SAFB2: variants seen among roughly 807,000 people sequenced by gnomAD.
The protein encoded by SAFB2 is scaffold attachment factor B2.
Under a neutral mutation model 100.6 loss-of-function variants are expected in SAFB2, and 32 were observed. The observed-to-expected ratio is 0.32, with a 90% CI of 0.24 to 0.43. The LOEUF (loss-of-function observed/expected upper bound fraction) is 0.43. SAFB2 is among the 20% of genes least tolerant of loss of function. The pLI is 1.00. For synonymous variants in SAFB2, 500 were observed against 439.4 expected (o/e 1.14, Z -1.72); for missense variants, 1,185 against 1,163.4 (o/e 1.02, Z -0.27).
intron 9 of SAFB2, 53 bp downstream of exon 9, chr19:5,609,942 T>A: frequency 6.6e-7 from 1 of 1,505,398 alleles, no homozygotes; most frequent in Admixed American, 1.8e-5. Flanking sequence ...CCAGCAGAGC[T>A]TCCTTTTTAA....
chr19:5,599,018 C>T, intron 12 of SAFB2, 134 bp from the exon 13 acceptor site: 2 of 727,426 alleles, frequency 2.7e-6, no homozygotes, highest in Non-Finnish European at 4.7e-6. Flanking sequence ...GCCTTGGGAG[C>T]CTCTAATTCT....
Position 5,594,018 on chromosome 19 carries a change from C to A in SAFB2, c.2080G>T (p.Val694Leu). 1 of 1,565,570 alleles carries A rather than the reference C, an allele frequency of 6.4e-7. No homozygotes were observed. Reference protein sequence around the residue: ...RERLERERMRVERERRKEQER... With the variant: ...RERLERERMRLERERRKEQER... ...TGCTCCTTCCTGCGCTCACGCTCCA[C>A]GCGCATGCGCTCGCGCTCCAGCCGC... Residue 694 changes from valine to leucine, a missense_variant, in exon 15 of 21, where the codon GTG becomes TTG. Physicochemically the swap from Val to Leu is conservative, Grantham distance 32 (BLOSUM62 1). Around this residue, in one of 3 missense-constraint regions of SAFB2, gnomAD observed 740 missense variants for 687.1 expected, o/e 1.08. Transcript: ENST00000252542.
intron 7 of SAFB2, 199 bp from the exon 8 acceptor site, chr19:5,610,887 A>T: frequency 1.3e-6 from 1 of 779,678 alleles, no homozygotes; most frequent in Non-Finnish European, 2.0e-6. Context: ...AATTCGATTT[A>T]GCTGAAGATA....
At position 5,622,693 on chromosome 19, in the gene SAFB2, G is replaced by A. The variant is rs1382231341; in HGVS notation, c.23C>T (p.Ser8Leu). 1.9e-6 allele frequency: 3 copies of A among 1,604,908 alleles called. No individual in the cohort carries two copies. Among genetic ancestry groups the A allele is most frequent in the East Asian group, 2.2e-5 (1 of 44,664 alleles). Reference protein sequence around the residue: MAETLPGSGDSGPGTASL... With the variant: MAETLPGLGDSGPGTASL... The stretch of plus-strand genomic sequence containing the variant: ...AGCCGTGCCAGGGCCCGAGTCGCCC[G>A]ACCCGGGCAGAGTCTCCGCCATCGT... The change falls in exon 1 of 21, where the codon TCG becomes TTG. Residue 8 changes from serine (S) to leucine (L), a missense_variant. Transcript: ENST00000252542.
intron 9 of SAFB2, among the ~76,000 whole-genome samples, chr19:5,606,868 G>C (rs1162421745): frequency 1.3e-5 from 2 of 152,346 alleles, no homozygotes; most frequent in Admixed American, 1.3e-4. Flanking sequence ...GAGGGAGGAA[G>C]ATGATCTCCG....
At chr19:5,600,817 T>C (rs1019369992) in intron 11 of SAFB2, among the ~76,000 whole-genome samples, 1 of 152,210 alleles carries the variant, frequency 6.6e-6, no homozygotes, top group African/African-American at 2.4e-5. Flanking sequence ...TGCCAGTGAA[T>C]ACGGGAAGGT....
chr19:5,620,937 GGT>G (rs2053127183), intron 2 of SAFB2, among the ~76,000 whole-genome samples: 2 of 152,166 alleles, frequency 1.3e-5, no homozygotes, highest in Admixed American at 1.3e-4. Flanking sequence ...GTCTCAGGTT[GGT>G]GTCCTTTTCT....
chr19:5,621,257 A>G (rs772662192), intron 2 of SAFB2, 52 bp downstream of exon 2: 2 of 1,210,934 alleles, frequency 1.7e-6, no homozygotes, highest in Non-Finnish European at 2.5e-6. Flanking sequence ...ACTACACACC[A>G]TTTCTCTAAA....
rs746423212 is a variant in SAFB2 at position 5,613,387 on chromosome 19, T to C, written c.606+78A>G. 1.1e-5 allele frequency: 12 copies of C among 1,099,340 alleles called. No individual in the cohort carries two copies. Among genetic ancestry groups the C allele is most frequent in the African/African-American group, 7.8e-5 (5 of 63,702 alleles). 68.1% of individuals were successfully genotyped at this position (1,099,340 alleles called of 1,614,324 possible). ...CAGTATCCAGTCATTTCCATACACA[T>C]ACACACTGCTCTTTCATTATGGAAA... is the stretch of plus-strand genomic sequence containing the variant. On this transcript the variant is annotated intron_variant, in intron 5 of 20. Transcript: ENST00000252542.
At position 5,611,514 on chromosome 19, in the gene SAFB2, T is replaced by C; in HGVS notation, c.751A>G (p.Arg251Gly). 2.2e-6 allele frequency: 1 copy of C among 446,148 alleles called. No individual in the cohort carries two copies. Among genetic ancestry groups the C allele is most frequent in the Non-Finnish European group, 3.8e-6 (1 of 265,464 alleles). The allele number at this position is 446,148 out of a possible 1,614,324, so 27.6% of individuals were successfully genotyped here. ...AQDTSSVGPDRKLAEEEDLFD... is the reference protein window; with the variant it reads ...AQDTSSVGPDGKLAEEEDLFD... ...AGGTCCTCTTCCTCCGCAAGCTTTC[T>C]GTCTGGCCCCACGCTACTTGTGTCC... Residue 251 changes from arginine (R) to glycine (G), a missense_variant, in exon 7 of 21, where the codon AGA becomes GGA. Arg to Gly is a moderately radical substitution (Grantham distance 125, BLOSUM62 -2). Transcript: ENST00000252542.
At position 5,600,218 on chromosome 19, in the gene SAFB2, T is replaced by A; in HGVS notation, c.1602A>T (p.Glu534Asp). 1 of 1,613,596 alleles carries A rather than the reference T, an allele frequency of 6.2e-7. No individual in the cohort carries two copies. The change falls in exon 12 of 21, where the codon GAA becomes GAT. Residue 534 changes from glutamate to aspartate, a missense_variant. This residue lies in a region of SAFB2 where 740 missense variants were observed against 687.1 expected (regional missense o/e 1.08). Transcript: ENST00000252542. ...KKEEKIEKKE[E>D]KKPEDIKKEE... is the part of the protein sequence containing the mutation. ...CCTTCTTAATGTCTTCAGGCTTTTT[T>A]TCCTCCTTCTTCTCAATCTTCTCTT... is the stretch of plus-strand genomic sequence containing the variant.
chr19:5,621,013 C>T (rs1380483554), intron 2 of SAFB2, among the ~76,000 whole-genome samples: 1 of 152,154 alleles, frequency 6.6e-6, no homozygotes, highest in Non-Finnish European at 1.5e-5. Flanking sequence ...GTTCCTCAGA[C>T]CCGTAGAAGT....
chr19:5,594,257 G>A (rs925495116), intron 14 of SAFB2, 79 bp from the exon 15 acceptor site: 60 of 1,436,326 alleles, frequency 4.2e-5, no homozygotes, highest in Non-Finnish European at 5.2e-5. Flanking sequence ...AACTGGGTGT[G>A]TATTGGAAGC....
intron 12 of SAFB2, among the ~76,000 whole-genome samples, chr19:5,599,794 CAA>C (rs1229596998): frequency 1.3e-5 from 2 of 152,060 alleles, no homozygotes; most frequent in African/African-American, 4.8e-5. Flanking sequence ...TGCACACCTG[CAA>C]AATAGCATCA....
At chr19:5,589,164 G>A (rs1046254387) in intron 18 of SAFB2, 9 of 152,338 alleles carry the variant, frequency 5.9e-5, no homozygotes, top group African/African-American at 2.2e-4. Context: ...CCTGCCCTCG[G>A]TGACCCGATG....
chr19:5,594,104 C>A lies in SAFB2; in HGVS notation c.1994G>T (p.Arg665Leu). ...CTGGCACTCGAGCTGCAGGCGTTCC[C>A]GCTGTAGCCGGGCCTTCTCCTTCCG... is the stretch of plus-strand genomic sequence containing the variant. ...HERKEKARLQ[R>L]ERLQLECQRQ... Residue 665 changes from arginine to leucine, a missense_variant, in exon 15 of 21, where the codon CGG (arginine) becomes CTG (leucine). This residue lies in a region of SAFB2 where 740 missense variants were observed against 687.1 expected (regional missense o/e 1.08). Transcript: ENST00000252542. The A allele has an allele frequency of 1.2e-6, 2 of 1,600,658 alleles. No homozygotes were observed. Among genetic ancestry groups the A allele is most frequent in the Non-Finnish European group, 1.7e-6 (2 of 1,178,012 alleles).
intron 16 of SAFB2, 144 bp downstream of exon 16, chr19:5,592,603 G>A (rs2052434314): frequency 1.1e-6 from 1 of 900,816 alleles, no homozygotes; most frequent in Non-Finnish European, 1.7e-6. Flanking sequence ...TTCTGTGCAA[G>A]GCCAGAGTCA....
chr19:5,619,242 A>C (rs1191425919), intron 2 of SAFB2, among the ~76,000 whole-genome samples: 1 of 152,196 alleles, frequency 6.6e-6, no homozygotes, highest in Non-Finnish European at 1.5e-5. Context: ...TCACCAGCTC[A>C]GGATGGAAGA....
intron 17 of SAFB2, chr19:5,591,465 A>G (rs1357348888): frequency 6.7e-6 from 2 of 299,290 alleles, no homozygotes; most frequent in Non-Finnish European, 1.3e-5. Context: ...TTTTTAGTAG[A>G]GACAGGGTTT....
Sources: gnomAD v4.1 joint callset for allele counts (sites outside exome capture counted in the v4.1 genomes callset) on GRCh38, gnomAD v4.1.1 for gene constraint, gnomAD v4.1.1 regional missense constraint, MANE v1.5 for transcripts, NCBI Gene and HGNC (gene_info 2026-07-23, HGNC 2026-07-21) for gene names.